Variants in GRAMD2B observed in about 807,000 individuals in gnomAD.
The protein encoded by GRAMD2B is GRAM domain-containing protein 2B.
A neutral mutation model predicts 59.2 loss-of-function variants in GRAMD2B; 41 were observed. The ratio of observed to expected loss-of-function variants is 0.69; its 90% CI spans 0.54 to 0.90. The LOEUF (loss-of-function observed/expected upper bound fraction) is 0.90. Among genes scored for constraint, GRAMD2B ranks in the 40% least tolerant of loss-of-function variants. The pLI is 0.00. For synonymous variants in GRAMD2B, 161 were observed against 182.7 expected (o/e 0.88, Z 0.96); for missense variants, 424 against 500.5 (o/e 0.85, Z 1.46).
chr5:126,364,373 AT>A (rs1297646532), intron 1 of GRAMD2B, among the ~76,000 whole-genome samples: 1 of 152,228 alleles, frequency 6.6e-6, no homozygotes, highest in Non-Finnish European at 1.5e-5. Flanking sequence ...AAATATTATA[AT>A]TAATGATGGA....
chr5:126,472,418 C>T, intron 4 of GRAMD2B, 114 bp downstream of exon 4: 1 of 735,274 alleles, frequency 1.4e-6, no homozygotes, highest in Non-Finnish European at 2.4e-6. Context: ...GATCAGGTTT[C>T]TGAAAGTAAT....
At chr5:126,408,689 C>T (rs1458103285) in intron 1 of GRAMD2B, among the ~76,000 whole-genome samples, 3 of 145,864 alleles carry the variant, frequency 2.1e-5, no homozygotes, top group Admixed American at 1.4e-4. Flanking sequence ...GCCTGAGACT[C>T]TTTTTTTTTT....
chr5:126,404,082 C>T (rs1036708295), intron 1 of GRAMD2B, among the ~76,000 whole-genome samples: 2 of 151,788 alleles, frequency 1.3e-5, no homozygotes, highest in Non-Finnish European at 2.9e-5. Flanking sequence ...CTTTTGAAAA[C>T]AATTGTGGTG....
At chr5:126,483,990 G>A (rs932558495) in intron 9 of GRAMD2B, among the ~76,000 whole-genome samples, 5 of 152,174 alleles carry the variant, frequency 3.3e-5, no homozygotes, top group South Asian at 2.1e-4. Context: ...CATCAAGCCC[G>A]GCTAATTTTT....
intron 1 of GRAMD2B, among the ~76,000 whole-genome samples, chr5:126,394,981 G>A (rs1757233529): frequency 2.0e-5 from 3 of 152,058 alleles, no homozygotes; most frequent in African/African-American, 7.2e-5. Context: ...ATAACTGTGG[G>A]TCTCCAAAGT....
At chr5:126,426,881 A>G (rs1760706001) in intron 1 of GRAMD2B, among the ~76,000 whole-genome samples, 1 of 152,132 alleles carries the variant, frequency 6.6e-6, no homozygotes, top group Admixed American at 6.5e-5. Flanking sequence ...CTGCTGATAC[A>G]CTCATCACCG....
At chr5:126,488,764 C>T in intron 12 of GRAMD2B, 35 bp from the exon 13 acceptor site, 2 of 1,435,090 alleles carry the variant, frequency 1.4e-6, no homozygotes, top group Non-Finnish European at 2.0e-6. Flanking sequence ...CCTTGTCATC[C>T]CTGCCCATAA....
rs562988725 is a variant in GRAMD2B at position 126,475,910 on chromosome 5, A to T, written c.487-1782A>T. ...GATTACCTGAGGTCAGGAGTTTGAG[A>T]CCAGCCCGAACAACATAGAGAAACC... On this transcript the variant is annotated intron_variant, in intron 5 of 13. Coordinates refer to ENST00000285689, the MANE Select transcript of GRAMD2B (RefSeq NM_023927.4). Among the ~76,000 whole-genome samples the T allele has an allele frequency of 1.2e-3, 190 of 152,286 alleles. 3 individuals carry two copies. The South Asian group carries it at 0.021, about 17-fold the overall frequency.
At chr5:126,372,137 C>T (rs1754812757) in intron 1 of GRAMD2B, among the ~76,000 whole-genome samples, 1 of 152,076 alleles carries the variant, frequency 6.6e-6, no homozygotes, top group South Asian at 2.1e-4. Flanking sequence ...CATTAATATC[C>T]ACATCAACAC....
rs776711027 is a variant in GRAMD2B at position 126,492,950 on chromosome 5, T to C, written c.1293T>C (p.Gly431=). 6.2e-7 allele frequency: 1 copy of C among 1,612,060 alleles called. No homozygotes were observed. Among genetic ancestry groups the C allele is most frequent in the Non-Finnish European group, 8.5e-7 (1 of 1,178,212 alleles). The change falls in exon 14 of 14, where the codon GGT becomes GGC. Residue 431 remains glycine (G), a synonymous_variant. Transcript: ENST00000285689. Reference sequence around the variant, plus strand: ...ACTTACAGAAGTTGCTTGAGAATGGTGACTGATCGACCAGATTGCTTGGGC... The same window carrying C: ...ACTTACAGAAGTTGCTTGAGAATGGCGACTGATCGACCAGATTGCTTGGGC... ...QNNLQKLLEN[G]D
intron 1 of GRAMD2B, among the ~76,000 whole-genome samples, chr5:126,458,052 T>C (rs1766649800): frequency 6.6e-6 from 1 of 152,366 alleles, no homozygotes; most frequent in East Asian, 1.9e-4. Context: ...GGGATTTTAC[T>C]TTCTTGTTGG....
intron 1 of GRAMD2B, among the ~76,000 whole-genome samples, chr5:126,462,111 T>G (rs1039442447): frequency 2.0e-5 from 3 of 152,222 alleles, no homozygotes; most frequent in African/African-American, 4.8e-5. Flanking sequence ...AGTAAATATT[T>G]GTTGAAAAAG....
chr5:126,414,438 T>G (rs10038888), intron 1 of GRAMD2B, among the ~76,000 whole-genome samples: 129,913 of 152,088 alleles, frequency 0.85, 55,594 homozygotes, highest in Non-Finnish European at 0.87. Flanking sequence ...TAACACACAG[T>G]GAAATGTTCT....
chr5:126,394,064 G>A (rs1251925501), intron 1 of GRAMD2B, among the ~76,000 whole-genome samples: 6 of 152,108 alleles, frequency 3.9e-5, no homozygotes, highest in Admixed American at 6.5e-5. Context: ...CACGAGGTGA[G>A]GAGATCGAGA....
chr5:126,395,933 CAT>C (rs1157371080), intron 1 of GRAMD2B, among the ~76,000 whole-genome samples: 1 of 152,160 alleles, frequency 6.6e-6, no homozygotes, highest in Non-Finnish European at 1.5e-5. Context: ...CATTACCTCA[CAT>C]AGTTACCTTT....
At chr5:126,447,800 T>C (rs1561536680) in intron 1 of GRAMD2B, among the ~76,000 whole-genome samples, 1 of 152,118 alleles carries the variant, frequency 6.6e-6, no homozygotes, top group Non-Finnish European at 1.5e-5. Context: ...ACCAGGATCC[T>C]GCCCTCCAGA....
chr5:126,391,334 A>AAAAAAAAAAAAAAAC (rs1266652091), intron 1 of GRAMD2B, among the ~76,000 whole-genome samples: 7 of 150,048 alleles, frequency 4.7e-5, no homozygotes, highest in African/African-American at 1.7e-4. Context: ...AAAAAAAAAA[A>AAAAAAAAAAAAAAAC]AAAAAACTTG....
At chr5:126,417,541 A>C (rs777405245) in intron 1 of GRAMD2B, among the ~76,000 whole-genome samples, 1 of 152,192 alleles carries the variant, frequency 6.6e-6, no homozygotes, top group Non-Finnish European at 1.5e-5. Flanking sequence ...CCTTTATCTG[A>C]GTGCAAATGC....
chr5:126,452,913 A>G (rs1251755234), intron 1 of GRAMD2B, among the ~76,000 whole-genome samples: 2 of 152,104 alleles, frequency 1.3e-5, no homozygotes, highest in Non-Finnish European at 2.9e-5. Context: ...TTGCATTTCT[A>G]TCTTTTTGTT....
Sources: gnomAD v4.1 joint callset for allele counts (sites outside exome capture counted in the v4.1 genomes callset) on GRCh38, gnomAD v4.1.1 for gene constraint, MANE v1.5 for transcripts, NCBI Gene and HGNC (gene_info 2026-07-23, HGNC 2026-07-21) for gene names.